The following FER1L6 variants were observed in gnomAD, a reference collection of about 807,000 sequenced individuals.
FER1L6 encodes the protein fer-1 like family member 6.
In FER1L6, 177 loss-of-function variants were observed where a neutral mutation model predicts 219.2. The ratio of observed to expected loss-of-function variants is 0.81; its 90% CI spans 0.71 to 0.91. FER1L6 has a LOEUF of 0.91. Among genes scored for constraint, FER1L6 ranks in the 40% least tolerant of loss-of-function variants. The pLI, the probability that FER1L6 is intolerant of heterozygous loss-of-function variation, is 0.00. For synonymous variants in FER1L6, 768 were observed against 824.3 expected, an observed-to-expected ratio of 0.93 and a Z score of 1.17; for missense variants, 2,153 against 2,259.9, an observed-to-expected ratio of 0.95 and a Z score of 0.96.
intron 22 of FER1L6, among the ~76,000 whole-genome samples, chr8:124,055,822 G>A (rs1156283880): frequency 6.6e-6 from 1 of 152,136 alleles, no homozygotes; most frequent in Non-Finnish European, 1.5e-5. Context: ...GCATCAGCAG[G>A]TCTGTGTTCC....
intron 1 of FER1L6, among the ~76,000 whole-genome samples, chr8:123,894,015 G>A (rs7006533): frequency 0.77 from 116,009 of 151,512 alleles, 44,674 homozygotes; most frequent in South Asian, 0.86. Flanking sequence ...CAGATTTCCA[G>A]TGATCGAAGA....
intron 13 of FER1L6, among the ~76,000 whole-genome samples, chr8:124,005,113 G>T (rs1817600258): frequency 6.6e-6 from 1 of 151,914 alleles, no homozygotes; most frequent in African/African-American, 2.4e-5. Context: ...ATACAGATAT[G>T]CCATTTAAAA....
Position 124,049,727 on chromosome 8 carries a change from G to A in FER1L6, c.2845G>A (p.Asp949Asn). The A allele has an allele frequency of 6.2e-7, 1 of 1,614,032 alleles. No homozygotes were observed. Among genetic ancestry groups the A allele is most frequent in the South Asian group, 1.1e-5 (1 of 91,070 alleles). Residue 949 changes from aspartate to asparagine, a missense_variant, in exon 22 of 41, where the codon GAT becomes AAT. Transcript: ENST00000522917. ...PIFCGNLSGG[D>N]LLAVFELLQV... is the part of the protein sequence containing the mutation. ...CTTTTGTGGGAATCTCTCTGGAGGG[G>A]ATCTCCTTGCTGTATTTGAACTGCT... is the stretch of plus-strand genomic sequence containing the variant.
intron 1 of FER1L6, among the ~76,000 whole-genome samples, chr8:123,935,925 A>G (rs1021171820): frequency 7.4e-5 from 11 of 149,332 alleles, no homozygotes; most frequent in Non-Finnish European, 1.5e-5. Flanking sequence ...GATGAGTTTA[A>G]AATCCTGCGA....
In FER1L6 at chr8:124,091,552, T is replaced by G; in HGVS notation, c.4521T>G (p.Ser1507=). ...GKIQIGNQVF[S]GKTIFTEEDT... ...TACAGATAGGAAACCAAGTCTTTTCTGGAAAAACTATCTTCACTGAAGAGG... is the reference window on the plus strand; with the variant it reads ...TACAGATAGGAAACCAAGTCTTTTCGGGAAAAACTATCTTCACTGAAGAGG... The change falls in exon 34 of 41, where the codon TCT becomes TCG. Residue 1507 remains serine (S), a synonymous_variant. Coordinates refer to ENST00000522917, the MANE Select transcript of FER1L6 (RefSeq NM_001039112.2). The G allele has an allele frequency of 6.2e-7, 1 of 1,614,052 alleles. No homozygotes were observed. The highest frequency in any genetic ancestry group is 8.5e-7 in the Non-Finnish European group (1 of 1,179,932).
intron 8 of FER1L6, 77 bp from the exon 9 acceptor site, chr8:123,975,821 C>G: frequency 8.4e-7 from 1 of 1,192,038 alleles, no homozygotes; most frequent in Non-Finnish European, 1.2e-6. Flanking sequence ...TTCTTTCTGC[C>G]TCCAAATTGC....
At chr8:123,968,939 A>G (rs933789631) in intron 5 of FER1L6, among the ~76,000 whole-genome samples, 1 of 152,216 alleles carries the variant, frequency 6.6e-6, no homozygotes, top group Non-Finnish European at 1.5e-5. Flanking sequence ...TCCAGGAAAC[A>G]GCTTCCCAGG....
chr8:124,026,786 G>A (rs1703149415), intron 18 of FER1L6, among the ~76,000 whole-genome samples: 1 of 151,234 alleles, frequency 6.6e-6, no homozygotes, highest in African/African-American at 2.5e-5. Flanking sequence ...ATGGTTTAAA[G>A]CATGGACTTT....
At chr8:123,915,631 G>T (rs1029847372) in intron 1 of FER1L6, among the ~76,000 whole-genome samples, 1 of 152,134 alleles carries the variant, frequency 6.6e-6, no homozygotes, top group African/African-American at 2.4e-5. Flanking sequence ...CTCTCAGAAC[G>T]TTTACAGATT....
At chr8:123,934,514 A>G (rs79488497) in intron 1 of FER1L6, among the ~76,000 whole-genome samples, 1,855 of 149,178 alleles carry the variant, frequency 0.012, 13 homozygotes, top group Non-Finnish European at 0.019. Context: ...TTATTCCTTT[A>G]TAAGTAGATT....
intron 31 of FER1L6, among the ~76,000 whole-genome samples, chr8:124,072,074 T>C (rs1821100363): frequency 6.6e-6 from 1 of 152,206 alleles, no homozygotes; most frequent in Admixed American, 6.5e-5. Context: ...TTATGGCTTT[T>C]CTGAGCATAT....
At chr8:124,081,916 G>C (rs1157983050) in intron 32 of FER1L6, among the ~76,000 whole-genome samples, 1 of 152,136 alleles carries the variant, frequency 6.6e-6, no homozygotes, top group Non-Finnish European at 1.5e-5. Flanking sequence ...GAGGCTAAGA[G>C]GAATTAAATA....
intron 18 of FER1L6, among the ~76,000 whole-genome samples, chr8:124,024,548 A>G (rs1446668385): frequency 6.6e-6 from 1 of 152,172 alleles, no homozygotes; most frequent in Non-Finnish European, 1.5e-5. Context: ...CATTCTTTTT[A>G]TGACTGAGTC....
In FER1L6 at chr8:123,855,679, A is replaced by ATG. The variant is rs1491248393; in HGVS notation, c.-8+3495_-8+3496insGT. Among the ~76,000 whole-genome samples the ATG allele has an allele frequency of 2.8e-4, 20 of 71,874 alleles. No individual in the cohort carries two copies. In the East Asian group the frequency reaches 6.0e-3, roughly 21 times the overall value. 47.2% of individuals were successfully genotyped at this position (71,874 alleles called of 152,430 possible). On this transcript the variant is annotated intron_variant, in intron 1 of 40. Coordinates refer to ENST00000522917, the MANE Select transcript of FER1L6 (RefSeq NM_001039112.2). The stretch of plus-strand genomic sequence containing the variant: ...GAAGGAGACTTTTAAAGTGAAAACC[A>ATG]TATGTGTGTGTGTGTGTGTGTGTAT...
chr8:124,040,421 C>G (rs972458058), intron 20 of FER1L6: 1 of 231,570 alleles, frequency 4.3e-6, no homozygotes, highest in Non-Finnish European at 8.6e-6. Flanking sequence ...GGTCAAGATG[C>G]GCTAGACTTT....
intron 5 of FER1L6, 64 bp from the exon 6 acceptor site, chr8:123,969,971 C>T: frequency 7.5e-7 from 1 of 1,329,254 alleles, no homozygotes; most frequent in Non-Finnish European, 1.1e-6. Flanking sequence ...AAATCCACTC[C>T]AAGGACAGGA....
intron 39 of FER1L6, among the ~76,000 whole-genome samples, chr8:124,106,155 C>T (rs1448883191): frequency 6.6e-6 from 1 of 151,756 alleles, no homozygotes; most frequent in African/African-American, 2.4e-5. Context: ...TGGTGAAACC[C>T]CGTCTCTACT....
chr8:124,071,513 T>C lies in FER1L6; in HGVS notation c.3974T>C (p.Phe1325Ser), dbSNP rs1367754348. Residue 1325 changes from phenylalanine (F) to serine (S), a missense_variant, in exon 31 of 41, where the codon TTC becomes TCC. By Grantham distance (155) the Phe-to-Ser change is radical. Coordinates refer to ENST00000522917, the MANE Select transcript of FER1L6 (RefSeq NM_001039112.2). Reference protein sequence around the residue: ...DRVIGKFKGSFCIYKSPQDSS... With the variant: ...DRVIGKFKGSSCIYKSPQDSS... ...TGCGTTTTGTGGTTCCAGGGCTCCT[T>C]CTGCATCTACAAAAGCCCCCAGGAT... The C allele has an allele frequency of 6.2e-7, 1 of 1,614,104 alleles. No homozygotes were observed. Among genetic ancestry groups the C allele is most frequent in the Non-Finnish European group, 8.5e-7 (1 of 1,179,986 alleles).
rs144793131 is a variant in FER1L6, at chr8:123,970,281, C to A, written c.447+184C>A. On this transcript the variant is annotated intron_variant, in intron 6 of 40. Coordinates refer to ENST00000522917, the MANE Select transcript of FER1L6 (RefSeq NM_001039112.2). ...GTATGGAGGTGTCTGGGAAGAAAAA[C>A]CACTTTAAGAAGATCTATGCTTCTT... Among the ~76,000 whole-genome samples the A allele has an allele frequency of 5.9e-3, 896 of 152,270 alleles. 9 individuals are homozygous for A. The highest frequency in any genetic ancestry group is 0.021 in the African/African-American group (857 of 41,570).
Sources: gnomAD v4.1 joint callset for allele counts (sites outside exome capture counted in the v4.1 genomes callset) on GRCh38, gnomAD v4.1.1 for gene constraint, MANE v1.5 for transcripts, NCBI Gene and HGNC (gene_info 2026-07-23, HGNC 2026-07-21) for gene names.